NCAM2: variants seen among roughly 807,000 people sequenced by gnomAD.
NCAM2 encodes the protein neural cell adhesion molecule 2.
A neutral mutation model predicts 98.1 loss-of-function variants in NCAM2; 30 were observed. That is an observed-to-expected ratio of 0.31 (90% confidence interval 0.23 to 0.41). The LOEUF (loss-of-function observed/expected upper bound fraction) is 0.41, where lower values mean the gene tolerates loss of function less well. Ranked by LOEUF, NCAM2 falls within the 10% of genes least tolerant of loss-of-function variation. The pLI, the probability that NCAM2 is intolerant of heterozygous loss-of-function variation, is 1.00. For missense variants in NCAM2, 867 were observed against 1,005.8 expected (o/e 0.86, Z 1.87); for synonymous variants, 368 against 342.4 (o/e 1.07, Z -0.83).
chr21:21,049,013 A>AT lies in NCAM2; in HGVS notation c.55+50411dup, dbSNP rs61325994. On this transcript the variant is annotated intron_variant, in intron 1 of 17. Transcript: ENST00000400546. The stretch of plus-strand genomic sequence containing the variant: ...TATTTACTATTTATATTTACTATTA[A>AT]TTTTTTTTTTTTTTTTGAGACGGAG... 7.0e-3 allele frequency among the ~76,000 whole-genome samples: 934 copies of AT among 133,446 alleles called. 33 individuals carry two copies. Among genetic ancestry groups the AT allele is most frequent in the South Asian group, 9.7e-3 (42 of 4,344 alleles). The allele number at this position is 133,446 out of a possible 152,430, so 87.5% of individuals were successfully genotyped here. A position where few individuals can be genotyped will look rare whatever the true frequency, so the allele number is the denominator to read the frequency against.
intron 8 of NCAM2, among the ~76,000 whole-genome samples, chr21:21,350,533 CCCTT>C (rs2075306740): frequency 6.6e-6 from 1 of 152,122 alleles, no homozygotes; most frequent in Non-Finnish European, 1.5e-5. Flanking sequence ...ATGCTAATAA[CCCTT>C]CCTTGCTTTG....
At chr21:21,425,209 G>A (rs148484038) in intron 11 of NCAM2, among the ~76,000 whole-genome samples, 8 of 151,646 alleles carry the variant, frequency 5.3e-5, no homozygotes, top group South Asian at 2.1e-4. Context: ...TAAAATGTAC[G>A]TATGTAACTA....
intron 1 of NCAM2, among the ~76,000 whole-genome samples, chr21:21,024,139 C>A (rs74580476): frequency 1.4e-3 from 209 of 152,248 alleles, no homozygotes; most frequent in African/African-American, 4.8e-3. Context: ...TGTCAGCCTG[C>A]GAATGCTATT....
chr21:21,291,776 C>G (rs966314440), intron 4 of NCAM2, among the ~76,000 whole-genome samples: 14 of 151,638 alleles, frequency 9.2e-5, no homozygotes, highest in Non-Finnish European at 5.9e-5. Context: ...TCTGTGATAC[C>G]TAATCTCTCT....
intron 1 of NCAM2, among the ~76,000 whole-genome samples, chr21:21,227,208 C>CTATTAT (rs1171208949): frequency 3.3e-5 from 5 of 151,588 alleles, no homozygotes; most frequent in Non-Finnish European, 7.4e-5. Context: ...AAAAATAATA[C>CTATTAT]TATTATTGCA....
chr21:21,490,544 C>G (rs945073486), intron 15 of NCAM2, among the ~76,000 whole-genome samples: 31 of 151,786 alleles, frequency 2.0e-4, no homozygotes, highest in African/African-American at 7.0e-4. Context: ...TGAGACACAA[C>G]TTCAGTTTAG....
intron 1 of NCAM2, among the ~76,000 whole-genome samples, chr21:21,060,149 C>G (rs1172458012): frequency 6.6e-6 from 1 of 152,006 alleles, no homozygotes; most frequent in East Asian, 1.9e-4. Flanking sequence ...AGTGTATTTA[C>G]TCCACTGCTG....
chr21:21,087,079 CGT>C (rs370266692), intron 1 of NCAM2, among the ~76,000 whole-genome samples: 7,574 of 149,284 alleles, frequency 0.051, 230 homozygotes, highest in Non-Finnish European at 0.056. Context: ...TGTGTGTGTG[CGT>C]GTGTGTGTGT....
chr21:21,522,632 C>CCTTT (rs1989088002), intron 16 of NCAM2, among the ~76,000 whole-genome samples: 1 of 124,780 alleles, frequency 8.0e-6, no homozygotes, highest in Non-Finnish European at 1.6e-5. Flanking sequence ...TTTTCTTTTT[C>CCTTT]TTTTTTTTTT....
At position 21,509,008 on chromosome 21, in the gene NCAM2, C is replaced by T. The variant is rs757142384; in HGVS notation, c.2235C>T (p.Gly745=). ...ITRRMCGKKS[G]SSGKSKELEE... is the part of the protein sequence containing the mutation. ...GGAGAATGTGTGGAAAGAAAAGTGG[C>T]TCCAGTGGCAAAAGTAAAGAACTCG... Residue 745 remains glycine (G), a synonymous_variant, in exon 16 of 18, where the codon GGC becomes GGT. Coordinates refer to ENST00000400546, the MANE Select transcript of NCAM2 (RefSeq NM_004540.5). 1 of 1,613,196 alleles carries T rather than the reference C, an allele frequency of 6.2e-7. No individual in the cohort carries two copies. The highest frequency in any genetic ancestry group is 1.1e-5 in the South Asian group (1 of 91,050).
At chr21:21,448,459 A>T (rs1262242992) in intron 12 of NCAM2, among the ~76,000 whole-genome samples, 1 of 151,988 alleles carries the variant, frequency 6.6e-6, no homozygotes, top group Non-Finnish European at 1.5e-5. Flanking sequence ...ATCATGCCAC[A>T]TATATACCTA....
intron 16 of NCAM2, among the ~76,000 whole-genome samples, chr21:21,519,398 T>C (rs983775330): frequency 3.9e-5 from 6 of 152,084 alleles, no homozygotes; most frequent in South Asian, 2.1e-4. Flanking sequence ...ATTACACTTA[T>C]ATAAGAGTGA....
At chr21:21,433,642 C>A (rs2146036534) in intron 12 of NCAM2, among the ~76,000 whole-genome samples, 1 of 151,548 alleles carries the variant, frequency 6.6e-6, no homozygotes, top group East Asian at 1.9e-4. Context: ...ACTCGGGAGG[C>A]TGAGGCAGGA....
chr21:21,102,575 A>G (rs1274691713), intron 1 of NCAM2, among the ~76,000 whole-genome samples: 2 of 152,050 alleles, frequency 1.3e-5, no homozygotes, highest in African/African-American at 4.8e-5. Flanking sequence ...GAAGTTCAGG[A>G]ACACTTTTCA....
Position 21,132,298 on chromosome 21 carries a change from T to C in NCAM2, c.55+133680T>C, listed in dbSNP as rs73894441. 4.3e-3 allele frequency among the ~76,000 whole-genome samples: 659 copies of C among 152,280 alleles called. 10 individuals carry two copies. The highest frequency in any genetic ancestry group is 0.015 in the African/African-American group (642 of 41,572). ...CCTGACTCCCACCCTCTTTTCCTTA[T>C]AAGAACCCTTGTGACTACAATAGTG... is the stretch of plus-strand genomic sequence containing the variant. On this transcript the variant is annotated intron_variant, in intron 1 of 17. Coordinates refer to ENST00000400546, the MANE Select transcript of NCAM2 (RefSeq NM_004540.5).
chr21:21,328,616 GA>G (rs548806364), intron 6 of NCAM2, among the ~76,000 whole-genome samples: 96 of 148,708 alleles, frequency 6.5e-4, no homozygotes, highest in African/African-American at 2.2e-3. Flanking sequence ...ACTTAAACAA[GA>G]AAAAATATAT....
chr21:21,420,906 T>C (rs1333260361), intron 11 of NCAM2, among the ~76,000 whole-genome samples: 2 of 151,836 alleles, frequency 1.3e-5, no homozygotes, highest in East Asian at 1.9e-4. Context: ...AGATAATAAA[T>C]TGAAGAATCA....
intron 15 of NCAM2, among the ~76,000 whole-genome samples, chr21:21,504,977 T>A (rs1026868225): frequency 3.3e-5 from 5 of 151,930 alleles, no homozygotes; most frequent in African/African-American, 1.2e-4. Flanking sequence ...TGTATAATTA[T>A]TATTGACTAT....
chr21:21,209,985 G>T (rs2069587575), intron 1 of NCAM2, among the ~76,000 whole-genome samples: 1 of 152,286 alleles, frequency 6.6e-6, no homozygotes, highest in East Asian at 1.9e-4. Context: ...ATTAGTATGG[G>T]ATTGGAAGGG....
Sources: gnomAD v4.1 joint callset for allele counts (sites outside exome capture counted in the v4.1 genomes callset) on GRCh38, gnomAD v4.1.1 for gene constraint, MANE v1.5 for transcripts, NCBI Gene and HGNC (gene_info 2026-07-23, HGNC 2026-07-21) for gene names.